The following TMEM131L variants were observed in gnomAD, a reference collection of about 807,000 sequenced individuals.
The protein encoded by TMEM131L is transmembrane protein 131-like.
A neutral mutation model predicts 192.2 loss-of-function variants in TMEM131L; 54 were observed. The observed-to-expected ratio is 0.28, with a 90% confidence interval of 0.23 to 0.35. The LOEUF is 0.35. TMEM131L is among the 10% of genes least tolerant of loss of function. The pLI is 1.00. For missense variants in TMEM131L, 1,888 were observed against 1,972.9 expected (o/e 0.96, Z 0.82); for synonymous variants, 701 against 704.9 (o/e 0.99, Z 0.09).
At chr4:153,610,418 C>G (rs2126552203) in intron 25 of TMEM131L, among the ~76,000 whole-genome samples, 1 of 152,142 alleles carries the variant, frequency 6.6e-6, no homozygotes, top group African/African-American at 2.4e-5. Context: ...ATGAGTCTGG[C>G]CAAAGGATTA....
chr4:153,494,204 G>A (rs1190295117), intron 3 of TMEM131L, among the ~76,000 whole-genome samples: 1 of 152,172 alleles, frequency 6.6e-6, no homozygotes, highest in African/African-American at 2.4e-5. Context: ...GGAATTTGTA[G>A]TTGGCATCGC....
intron 3 of TMEM131L, among the ~76,000 whole-genome samples, chr4:153,489,208 G>T (rs1166174509): frequency 6.6e-6 from 1 of 152,094 alleles, no homozygotes; most frequent in Non-Finnish European, 1.5e-5. Context: ...CAACACCAGG[G>T]CTCCTGAGAA....
intron 18 of TMEM131L, among the ~76,000 whole-genome samples, chr4:153,593,105 T>G (rs1731186462): frequency 6.6e-6 from 1 of 152,262 alleles, no homozygotes; most frequent in Non-Finnish European, 1.5e-5. Context: ...AACCTGCAGA[T>G]GCAGAGGGCT....
At chr4:153,595,522 ATAAAAT>A (rs1297463864) in intron 19 of TMEM131L, among the ~76,000 whole-genome samples, 2 of 152,206 alleles carry the variant, frequency 1.3e-5, no homozygotes, top group African/African-American at 4.8e-5. Context: ...TAACTGAAAC[ATAAAAT>A]TAAAAGTTAA....
intron 3 of TMEM131L, among the ~76,000 whole-genome samples, chr4:153,518,126 C>T (rs753156313): frequency 1.6e-4 from 25 of 152,126 alleles, no homozygotes; most frequent in African/African-American, 4.6e-4. Flanking sequence ...GTGAACATGC[C>T]GGGCTTGATT....
At chr4:153,468,167 CTT>C (rs1730902617) in intron 2 of TMEM131L, among the ~76,000 whole-genome samples, 1 of 152,230 alleles carries the variant, frequency 6.6e-6, no homozygotes, top group African/African-American at 2.4e-5. Flanking sequence ...CTAGCTATAA[CTT>C]TACCGGAGAG....
chr4:153,513,715 G>A (rs1734516645), intron 3 of TMEM131L, among the ~76,000 whole-genome samples: 1 of 152,136 alleles, frequency 6.6e-6, no homozygotes, highest in Non-Finnish European at 1.5e-5. Flanking sequence ...TGTGTTTGAT[G>A]CTTCAAAAGA....
chr4:153,636,219 T>G, intron 34 of TMEM131L, 82 bp from the exon 35 acceptor site: 1 of 1,248,596 alleles, frequency 8.0e-7, no homozygotes. Context: ...GATAGCATTG[T>G]AGTATTCGCT....
chr4:153,530,822 C>G (rs928915078), intron 3 of TMEM131L, among the ~76,000 whole-genome samples: 1 of 152,150 alleles, frequency 6.6e-6, no homozygotes, highest in African/African-American at 2.4e-5. Context: ...GAGGCCCCCC[C>G]ACTTTCCTGA....
At chr4:153,542,983 C>T (rs1050032107) in intron 3 of TMEM131L, among the ~76,000 whole-genome samples, 14 of 152,190 alleles carry the variant, frequency 9.2e-5, no homozygotes, top group African/African-American at 2.9e-4. Context: ...TTAGGAAGGC[C>T]AGCCATCAAC....
chr4:153,617,212 T>C (rs938990520), intron 26 of TMEM131L, among the ~76,000 whole-genome samples: 1 of 152,210 alleles, frequency 6.6e-6, no homozygotes, highest in Admixed American at 6.5e-5. Flanking sequence ...CCTTCTCTTG[T>C]CTGCTGCCAT....
At chr4:153,497,729 A>C (rs775187428) in intron 3 of TMEM131L, among the ~76,000 whole-genome samples, 2 of 152,208 alleles carry the variant, frequency 1.3e-5, no homozygotes, top group African/African-American at 4.8e-5. Context: ...ACGCACAGAC[A>C]TGAGATTAGA....
At chr4:153,499,772 A>G (rs1189451282) in intron 3 of TMEM131L, among the ~76,000 whole-genome samples, 3 of 152,222 alleles carry the variant, frequency 2.0e-5, no homozygotes, top group African/African-American at 7.2e-5. Context: ...CAGCTTGAGC[A>G]CTTCACGTGA....
intron 2 of TMEM131L, among the ~76,000 whole-genome samples, chr4:153,470,945 C>G (rs1731112642): frequency 6.6e-6 from 1 of 152,128 alleles, no homozygotes; most frequent in Non-Finnish European, 1.5e-5. Flanking sequence ...CATCGTTTCT[C>G]CCTCTTTGAG....
At chr4:153,562,042 T>A (rs1432320240) in intron 7 of TMEM131L, among the ~76,000 whole-genome samples, 3 of 127,748 alleles carry the variant, frequency 2.3e-5, no homozygotes, top group Admixed American at 2.2e-4. Flanking sequence ...AAATTTTAAA[T>A]TTTTTTTTTT....
chr4:153,479,848 T>C (rs1056051050), intron 3 of TMEM131L, among the ~76,000 whole-genome samples: 2 of 152,236 alleles, frequency 1.3e-5, no homozygotes. Context: ...CACTCGCTTT[T>C]GGCAGTGAAA....
chr4:153,505,163 A>G (rs570611937), intron 3 of TMEM131L, among the ~76,000 whole-genome samples: 1 of 150,588 alleles, frequency 6.6e-6, no homozygotes, highest in East Asian at 1.9e-4. Flanking sequence ...CTGGAGTGCA[A>G]CAGCACAATC....
chr4:153,484,476 A>AT (rs1196866976), intron 3 of TMEM131L, among the ~76,000 whole-genome samples: 36 of 147,378 alleles, frequency 2.4e-4, no homozygotes, highest in African/African-American at 5.0e-4. Context: ...TTTTATTTTT[A>AT]TTTTTTTTTT....
In TMEM131L at chr4:153,557,039, C is replaced by T. The variant is rs751386404; in HGVS notation, c.506C>T (p.Ser169Phe). ...ACTGAAGAAGGAAGCATTGAAAGTT[C>T]CTTATTTATTAATACCTCTTCGTAT... ...LPTEEGSIESSLFINTSSYGV... is the reference protein window; with the variant it reads ...LPTEEGSIESFLFINTSSYGV... The change falls in exon 6 of 35, where the codon TCC becomes TTC. Residue 169 changes from serine (S) to phenylalanine (F), a missense_variant. By Grantham distance (155) the Ser-to-Phe change is radical. Coordinates refer to ENST00000409959, the MANE Select transcript of TMEM131L (RefSeq NM_001131007.2). 3 of 1,584,800 alleles carry T rather than the reference C, an allele frequency of 1.9e-6. No individual in the cohort carries two copies. The highest frequency in any genetic ancestry group is 2.2e-5 in the East Asian group (1 of 44,630).
Sources: gnomAD v4.1 joint callset for allele counts (sites outside exome capture counted in the v4.1 genomes callset) on GRCh38, gnomAD v4.1.1 for gene constraint, MANE v1.5 for transcripts, NCBI Gene and HGNC (gene_info 2026-07-23, HGNC 2026-07-21) for gene names.